FRMD5: variants seen among roughly 807,000 people sequenced by gnomAD.
FRMD5 encodes FERM domain-containing protein 5.
FRMD5 carries 20 observed loss-of-function variants against 69.0 expected under a neutral mutation model. The ratio of observed to expected loss-of-function variants is 0.29; its 90% confidence interval spans 0.20 to 0.42. The LOEUF is 0.42. FRMD5 is among the 10% of genes least tolerant of loss of function. FRMD5 has a pLI of 1.00. For synonymous variants in FRMD5, 271 were observed against 260.1 expected (o/e 1.04, Z -0.40); for missense variants, 595 against 708.6 (o/e 0.84, Z 1.82).
At chr15:43,980,299 C>T (rs2090528739) in intron 1 of FRMD5, among the ~76,000 whole-genome samples, 1 of 152,210 alleles carries the variant, frequency 6.6e-6, no homozygotes, top group Non-Finnish European at 1.5e-5. Flanking sequence ...CCCACTCCTG[C>T]AGAAGTCCTT....
chr15:43,904,538 AT>A (rs2140405111), intron 6 of FRMD5, among the ~76,000 whole-genome samples: 1 of 151,526 alleles, frequency 6.6e-6, no homozygotes, highest in African/African-American at 2.4e-5. Flanking sequence ...TGGCTTTTTT[AT>A]TTATTTACTT....
chr15:44,170,918 C>T (rs2077791279), intron 1 of FRMD5, among the ~76,000 whole-genome samples: 1 of 152,118 alleles, frequency 6.6e-6, no homozygotes, highest in Admixed American at 6.6e-5. Context: ...TAAAATACTT[C>T]CATTTATAAT....
chr15:43,994,842 T>G (rs769188384), intron 1 of FRMD5, among the ~76,000 whole-genome samples: 2 of 152,232 alleles, frequency 1.3e-5, no homozygotes, highest in Non-Finnish European at 2.9e-5. Context: ...CTTTTACCAG[T>G]GAGTTTGTAT....
chr15:44,081,374 G>A (rs1453492702), intron 1 of FRMD5, among the ~76,000 whole-genome samples: 1 of 152,072 alleles, frequency 6.6e-6, no homozygotes, highest in Non-Finnish European at 1.5e-5. Context: ...TTACCACAAA[G>A]TTCTCTGTTA....
chr15:43,936,734 T>C (rs1251177987), intron 1 of FRMD5, among the ~76,000 whole-genome samples: 1 of 150,874 alleles, frequency 6.6e-6, no homozygotes, highest in Non-Finnish European at 1.5e-5. Context: ...AGTTTGCTGA[T>C]TCTAACTACA....
At chr15:43,899,014 C>G (rs1044533729) in intron 7 of FRMD5, among the ~76,000 whole-genome samples, 1 of 152,208 alleles carries the variant, frequency 6.6e-6, no homozygotes, top group Non-Finnish European at 1.5e-5. Context: ...GAGCGTTGTT[C>G]TGCTCTCATT....
intron 1 of FRMD5, among the ~76,000 whole-genome samples, chr15:44,111,488 C>A (rs767464072): frequency 6.6e-6 from 1 of 152,164 alleles, no homozygotes; most frequent in African/African-American, 2.4e-5. Flanking sequence ...AAAACAATGT[C>A]CCTAAGAATA....
At chr15:44,112,742 A>T (rs1347573179) in intron 1 of FRMD5, among the ~76,000 whole-genome samples, 2 of 152,062 alleles carry the variant, frequency 1.3e-5, no homozygotes, top group Admixed American at 1.3e-4. Flanking sequence ...TGCTAGGATT[A>T]CAGGCCTGAG....
chr15:43,872,861 A>AC lies in FRMD5; in HGVS notation c.*1023_*1024insG. 3.3e-6 allele frequency: 1 copy of AC among 302,660 alleles called. No homozygotes were observed. The highest frequency in any genetic ancestry group is 6.0e-6 in the Non-Finnish European group (1 of 166,074). The allele number at this position is 302,660 out of a possible 1,614,324, so 18.7% of individuals were successfully genotyped here. A position where few individuals can be genotyped will look rare whatever the true frequency, so the allele number is the denominator to read the frequency against. ...AAAAACAAAATATGAATTGTTAAGA[A>AC]AATAACATTTCGTTGTTAAAATATA... On this transcript the variant is annotated 3_prime_UTR_variant, in exon 14 of 14. Transcript: ENST00000417257.
chr15:44,151,162 C>T (rs1242486878), intron 1 of FRMD5, among the ~76,000 whole-genome samples: 2 of 151,850 alleles, frequency 1.3e-5, no homozygotes, highest in Non-Finnish European at 2.9e-5. Context: ...CTTTGGGAGG[C>T]CAAGGCGGAC....
At chr15:43,971,218 G>A (rs2090371257) in intron 1 of FRMD5, among the ~76,000 whole-genome samples, 1 of 151,242 alleles carries the variant, frequency 6.6e-6, no homozygotes. Flanking sequence ...CCAGCCTGGT[G>A]ACAGAGTATG....
At chr15:44,071,598 G>A (rs1893543269) in intron 1 of FRMD5, among the ~76,000 whole-genome samples, 1 of 152,038 alleles carries the variant, frequency 6.6e-6, no homozygotes, top group South Asian at 2.1e-4. Flanking sequence ...TATAAACTTG[G>A]GGTCTCTTCC....
At chr15:44,006,759 G>A (rs540448004) in intron 1 of FRMD5, among the ~76,000 whole-genome samples, 95 of 152,292 alleles carry the variant, frequency 6.2e-4, no homozygotes, top group African/African-American at 2.2e-3. Context: ...CTGAATTGCC[G>A]CAATCTCAAG....
chr15:44,083,667 T>C (rs907255288), intron 1 of FRMD5, among the ~76,000 whole-genome samples: 4 of 152,060 alleles, frequency 2.6e-5, no homozygotes, highest in African/African-American at 7.2e-5. Flanking sequence ...GTGTTAACCA[T>C]TCAAGACGCT....
chr15:43,958,713 T>C (rs2930525), intron 1 of FRMD5, among the ~76,000 whole-genome samples: 26,077 of 152,184 alleles, frequency 0.17, 4,821 homozygotes, highest in African/African-American at 0.46. Flanking sequence ...CTCTCAAAGT[T>C]CTGGGGTTAC....
intron 1 of FRMD5, among the ~76,000 whole-genome samples, chr15:44,156,355 G>A (rs923688270): frequency 1.3e-4 from 20 of 152,104 alleles, no homozygotes; most frequent in Non-Finnish European, 2.8e-4. Context: ...TATTGGCCAG[G>A]CTGGCCTCAA....
At chr15:44,015,424 G>A (rs905772123) in intron 1 of FRMD5, among the ~76,000 whole-genome samples, 3 of 152,030 alleles carry the variant, frequency 2.0e-5, no homozygotes, top group Non-Finnish European at 4.4e-5. Flanking sequence ...TTATAGGTGT[G>A]GGCAACCGTG....
Position 44,175,931 on chromosome 15 carries a change from C to T in FRMD5, c.102+19022G>A, listed in dbSNP as rs540717051. On this transcript the variant is annotated intron_variant, in intron 1 of 13. Coordinates refer to ENST00000417257, the MANE Select transcript of FRMD5 (RefSeq NM_032892.5). Reference sequence around the variant, plus strand: ...CATTCATGAATCAGAAGACTTAATACTGTTAAGATGGCAACACTCCCTGAA... The same window carrying T: ...CATTCATGAATCAGAAGACTTAATATTGTTAAGATGGCAACACTCCCTGAA... Among the ~76,000 whole-genome samples, 20 of 152,228 alleles carry T rather than the reference C, an allele frequency of 1.3e-4. 1 individual carries two copies. In the South Asian group the frequency reaches 3.9e-3, roughly 30 times the overall value.
At chr15:43,910,372 CCTT>C (rs2089263555) in intron 4 of FRMD5, among the ~76,000 whole-genome samples, 1 of 151,970 alleles carries the variant, frequency 6.6e-6, no homozygotes, top group African/African-American at 2.4e-5. Flanking sequence ...AGCTGATGTT[CCTT>C]CTTAAGTAGA....
Sources: allele counts gnomAD v4.1 joint callset (sites outside exome capture counted in the v4.1 genomes callset), GRCh38; gene constraint gnomAD v4.1.1; transcripts MANE v1.5; gene names NCBI Gene and HGNC (gene_info 2026-07-23, HGNC 2026-07-21).